WDR27: variants seen among roughly 807,000 people sequenced by gnomAD.
The protein encoded by WDR27 is WD repeat-containing protein 27.
Under a neutral mutation model 114.4 loss-of-function variants are expected in WDR27, and 100 were observed. That is an observed-to-expected ratio of 0.87 (90% CI 0.74 to 1.03). The LOEUF (loss-of-function observed/expected upper bound fraction) is 1.03, where lower values mean the gene tolerates loss of function less well. WDR27 is among the 50% of genes least tolerant of loss of function. The pLI, the probability that WDR27 is intolerant of heterozygous loss-of-function variation, is 0.00. For missense variants in WDR27, 1,129 were observed against 1,092.9 expected, an observed-to-expected ratio of 1.03 and a Z score of -0.47; for synonymous variants, 449 against 423.1, an observed-to-expected ratio of 1.06 and a Z score of -0.75.
At chr6:169,605,823 G>C (rs1809046529) in intron 22 of WDR27, among the ~76,000 whole-genome samples, 1 of 152,070 alleles carries the variant, frequency 6.6e-6, no homozygotes, top group South Asian at 2.1e-4. Context: ...ACAGTCAACT[G>C]ATCTTTGAAA....
chr6:169,546,220 T>C (rs939850746), intron 25 of WDR27, among the ~76,000 whole-genome samples: 1 of 152,158 alleles, frequency 6.6e-6, no homozygotes, highest in African/African-American at 2.4e-5. Flanking sequence ...AACTCAGTGT[T>C]TCCAATAAAA....
rs777282647 is a variant in WDR27, at chr6:169,634,382, A to G, written c.2101+46T>C. Reference sequence around the variant, plus strand: ...CAGCACATGCCTCTGCCAGAGGAACAACACTCAGGGCGTAAAACCCTACCA... The same window carrying G: ...CAGCACATGCCTCTGCCAGAGGAACGACACTCAGGGCGTAAAACCCTACCA... On this transcript the variant is annotated intron_variant, in intron 20 of 25. Coordinates refer to ENST00000448612, the MANE Select transcript of WDR27 (RefSeq NM_182552.5). 27 of 1,435,026 alleles carry G rather than the reference A, an allele frequency of 1.9e-5. No individual in the cohort carries two copies. In the South Asian group the frequency reaches 3.3e-4, roughly 17 times the overall value. 88.9% of individuals were successfully genotyped at this position (1,435,026 alleles called of 1,614,324 possible).
At chr6:169,510,294 G>T (rs1792641091) in intron 25 of WDR27, among the ~76,000 whole-genome samples, 2 of 152,114 alleles carry the variant, frequency 1.3e-5, no homozygotes, top group Non-Finnish European at 2.9e-5. Flanking sequence ...TATACCCAAA[G>T]GATTCTAAAT....
chr6:169,614,908 G>A (rs79781477), intron 21 of WDR27, among the ~76,000 whole-genome samples: 4,033 of 152,212 alleles, frequency 0.026, 75 homozygotes, highest in Non-Finnish European at 0.041. Flanking sequence ...AACAACACCT[G>A]ACAGACAGCA....
At chr6:169,584,048 G>C (rs1199114334) in intron 23 of WDR27, among the ~76,000 whole-genome samples, 2 of 59,068 alleles carry the variant, frequency 3.4e-5, no homozygotes, top group South Asian at 5.9e-4. Flanking sequence ...CGTATCCTTT[G>C]ACCCACATCT....
At chr6:169,531,686 C>A (rs1223432054) in intron 25 of WDR27, among the ~76,000 whole-genome samples, 1 of 145,044 alleles carries the variant, frequency 6.9e-6, no homozygotes, top group African/African-American at 2.6e-5. Flanking sequence ...TGGAGTGTCA[C>A]TTTTTTGCCC....
chr6:169,447,807 G>C, the WDR27 span, among the ~76,000 whole-genome samples: 2 of 152,140 alleles, frequency 1.3e-5, no homozygotes, highest in Non-Finnish European at 2.9e-5. Context: ...GATTCTAACT[G>C]GGGCTATTAA....
intron 21 of WDR27, among the ~76,000 whole-genome samples, chr6:169,615,105 T>G (rs950985573): frequency 3.9e-5 from 6 of 151,978 alleles, no homozygotes; most frequent in African/African-American, 1.5e-4. Flanking sequence ...ATAAAAAATG[T>G]GGAAGAGAAA....
the WDR27 span, among the ~76,000 whole-genome samples, chr6:169,442,145 A>G: frequency 6.6e-6 from 1 of 152,246 alleles, no homozygotes. Context: ...TCAGACAGCA[A>G]GAATTAAATG....
intron 23 of WDR27, among the ~76,000 whole-genome samples, chr6:169,594,550 T>C (rs1431369083): frequency 6.6e-6 from 1 of 152,202 alleles, no homozygotes; most frequent in East Asian, 1.9e-4. Context: ...CTACTTATTA[T>C]TTGGTTCTTA....
chr6:169,687,854 G>A (rs1303392482), intron 2 of WDR27, among the ~76,000 whole-genome samples: 1 of 152,132 alleles, frequency 6.6e-6, no homozygotes, highest in African/African-American at 2.4e-5. Flanking sequence ...AAAAATTCAT[G>A]TATAAGTGAA....
At chr6:169,649,064 A>T in intron 15 of WDR27, 134 bp downstream of exon 15, 1 of 628,398 alleles carries the variant, frequency 1.6e-6, no homozygotes, top group African/African-American at 1.8e-5. Flanking sequence ...ATAGATATAC[A>T]TATCTGTGTA....
intron 25 of WDR27, among the ~76,000 whole-genome samples, chr6:169,482,717 A>G (rs1788349938): frequency 6.6e-6 from 1 of 152,202 alleles, no homozygotes; most frequent in South Asian, 2.1e-4. Flanking sequence ...CACCATCCTA[A>G]AAAGACAGAA....
intron 25 of WDR27, among the ~76,000 whole-genome samples, chr6:169,563,164 TC>T (rs1799913028): frequency 6.6e-6 from 1 of 151,898 alleles, no homozygotes. Flanking sequence ...TCCTGCTCAG[TC>T]CGCCCTGGAC....
At position 169,668,273 on chromosome 6, in the gene WDR27, A is replaced by G. The variant is rs972975736; in HGVS notation, c.457-88T>C. 13 of 1,356,574 alleles carry G rather than the reference A, an allele frequency of 9.6e-6. No homozygotes were observed. The African/African-American group carries it at 1.9e-4, about 19-fold the overall frequency. 84.0% of individuals were successfully genotyped at this position (1,356,574 alleles called of 1,614,324 possible). On this transcript the variant is annotated intron_variant, in intron 4 of 25. Transcript: ENST00000448612. ...GGGTGAAAAGTCAGGTGTCTGAGCT[A>G]AGAGGAAAGCTCAGGCGACAGGCAC...
chr6:169,435,297 G>T, the WDR27 span, among the ~76,000 whole-genome samples: 3 of 152,218 alleles, frequency 2.0e-5, no homozygotes, highest in Admixed American at 6.5e-5. Flanking sequence ...GAAGGGAAAT[G>T]TTGGGTGAGT....
the WDR27 span, among the ~76,000 whole-genome samples, chr6:169,443,427 ACATATGGAAAT>A: frequency 1.0e-5 from 1 of 98,466 alleles, no homozygotes; most frequent in Non-Finnish European, 1.8e-5. Context: ...CTTTACAGTA[ACATATGGAAAT>A]TTGCACCTGG....
the WDR27 span, among the ~76,000 whole-genome samples, chr6:169,440,428 C>T: frequency 2.6e-5 from 4 of 152,066 alleles, no homozygotes; most frequent in Non-Finnish European, 4.4e-5. Flanking sequence ...ACAAGCCTCA[C>T]GCCTAGTGTG....
rs3975497 is a variant in WDR27 at position 169,552,973 on chromosome 6, G to GGTGTGTGTGTGTGT, written c.2645+19432_2645+19445dup. On this transcript the variant is annotated intron_variant, in intron 25 of 25. Transcript: ENST00000448612. ...TGTGCTGTTTGGGGAGGGCCTGCCC[G>GGTGTGTGTGTGTGT]GTGTGTGTGTGTGTGTGTGTGTGTG... Among the ~76,000 whole-genome samples the GGTGTGTGTGTGTGT allele has an allele frequency of 5.3e-3, 327 of 61,780 alleles. 28 individuals are homozygous for GGTGTGTGTGTGTGT. The highest frequency in any genetic ancestry group is 7.0e-3 in the East Asian group (17 of 2,434). The allele number at this position is 61,780 out of a possible 152,430, so 40.5% of individuals were successfully genotyped here.
Sources: gnomAD v4.1 joint callset for allele counts (sites outside exome capture counted in the v4.1 genomes callset) on GRCh38, gnomAD v4.1.1 for gene constraint, MANE v1.5 for transcripts, NCBI Gene and HGNC (gene_info 2026-07-23, HGNC 2026-07-21) for gene names.